The following GNAQ variants were observed in gnomAD, a reference collection of about 807,000 sequenced individuals.
GNAQ encodes the protein G protein subunit alpha q.
Under a neutral mutation model 43.9 loss-of-function variants are expected in GNAQ, and 8 were observed. The ratio of observed to expected loss-of-function variants is 0.18; its 90% confidence interval spans 0.11 to 0.33. The LOEUF (loss-of-function observed/expected upper bound fraction) is 0.33, where lower values mean the gene tolerates loss of function less well. Among genes scored for constraint, GNAQ ranks in the 10% least tolerant of loss-of-function variants. The probability of loss-of-function intolerance (pLI) is 1.00; values close to 1 mark genes in which losing one functional copy is unlikely to be tolerated. For synonymous variants in GNAQ, 155 were observed against 170.7 expected, an observed-to-expected ratio of 0.91 and a Z score of 0.71; for missense variants, 158 against 450.8, an observed-to-expected ratio of 0.35 and a Z score of 5.88.
chr9:77,888,160 G>C, intron 2 of GNAQ, among the ~76,000 whole-genome samples: 1 of 152,094 alleles, frequency 6.6e-6, no homozygotes, highest in Non-Finnish European at 1.5e-5. Context: ...TGTTTTGATG[G>C]GGTCCCAATT....
intron 2 of GNAQ, among the ~76,000 whole-genome samples, chr9:77,887,828 T>G (rs2118094967): frequency 6.6e-6 from 1 of 152,354 alleles, no homozygotes; most frequent in South Asian, 2.1e-4. Flanking sequence ...TCCCCAAGGC[T>G]TCTTTCTGTT....
intron 1 of GNAQ, among the ~76,000 whole-genome samples, chr9:78,016,502 A>G (rs1587462672): frequency 6.6e-6 from 1 of 152,052 alleles, no homozygotes; most frequent in Non-Finnish European, 1.5e-5. Flanking sequence ...TGGCTAACAC[A>G]GTGAAGCCCT....
chr9:77,837,873 GAGT>G (rs1827416970), intron 2 of GNAQ, among the ~76,000 whole-genome samples: 2 of 143,190 alleles, frequency 1.4e-5, no homozygotes, highest in African/African-American at 5.2e-5. Flanking sequence ...TTTTGAGATG[GAGT>G]CTTGCTCTGT....
intron 1 of GNAQ, among the ~76,000 whole-genome samples, chr9:78,023,083 C>T (rs778166800): frequency 2.6e-4 from 39 of 152,190 alleles, no homozygotes; most frequent in Admixed American, 1.0e-3. Flanking sequence ...CCCACTGGTC[C>T]GTGATAGATT....
intron 2 of GNAQ, among the ~76,000 whole-genome samples, chr9:77,846,418 GA>G (rs1827585840): frequency 6.6e-6 from 1 of 152,154 alleles, no homozygotes. Context: ...TGCCCAGCTA[GA>G]AAAACAAGCT....
intron 1 of GNAQ, among the ~76,000 whole-genome samples, chr9:77,981,101 T>C (rs1823362818): frequency 6.6e-6 from 1 of 152,206 alleles, no homozygotes; most frequent in African/African-American, 2.4e-5. Context: ...TACACGGATT[T>C]TTCCACATTT....
At chr9:78,022,547 C>T (rs1241356626) in intron 1 of GNAQ, among the ~76,000 whole-genome samples, 1 of 152,184 alleles carries the variant, frequency 6.6e-6, no homozygotes, top group African/African-American at 2.4e-5. Context: ...AAATAAAAAA[C>T]TTTCACAAAA....
intron 5 of GNAQ, among the ~76,000 whole-genome samples, chr9:77,731,775 G>A (rs980800433): frequency 1.4e-4 from 22 of 152,220 alleles, no homozygotes; most frequent in African/African-American, 3.9e-4. Context: ...GGAAGGTACA[G>A]AAAGCTTGCC....
At chr9:77,805,548 G>A (rs181374948) in intron 3 of GNAQ, among the ~76,000 whole-genome samples, 29 of 152,096 alleles carry the variant, frequency 1.9e-4, no homozygotes, top group Non-Finnish European at 3.8e-4. Flanking sequence ...GGGATTACAT[G>A]CGCGCAGCAC....
At chr9:77,857,036 G>A (rs898923808) in intron 2 of GNAQ, among the ~76,000 whole-genome samples, 1 of 152,134 alleles carries the variant, frequency 6.6e-6, no homozygotes, top group African/African-American at 2.4e-5. Flanking sequence ...GGAAAACAGT[G>A]AGCTGACTTT....
chr9:77,787,684 C>T (rs561175575), intron 5 of GNAQ, among the ~76,000 whole-genome samples: 1 of 152,170 alleles, frequency 6.6e-6, no homozygotes, highest in Admixed American at 6.5e-5. Context: ...TTGAAGAAAA[C>T]ACAGAAATAT....
intron 5 of GNAQ, among the ~76,000 whole-genome samples, chr9:77,752,670 G>A (rs1420849097): frequency 6.6e-6 from 1 of 152,168 alleles, no homozygotes; most frequent in Non-Finnish European, 1.5e-5. Context: ...AAATGCCTGT[G>A]TCTGTTATTA....
chr9:77,985,615 C>T (rs961214789), intron 1 of GNAQ, among the ~76,000 whole-genome samples: 8 of 152,060 alleles, frequency 5.3e-5, no homozygotes, highest in Non-Finnish European at 1.0e-4. Context: ...GACAGAGTCT[C>T]GCTCTGTGGC....
intron 2 of GNAQ, among the ~76,000 whole-genome samples, chr9:77,856,517 CACA>C (rs1827757677): frequency 6.6e-6 from 1 of 152,120 alleles, no homozygotes; most frequent in African/African-American, 2.4e-5. Flanking sequence ...GTATTTCATA[CACA>C]ATAGTTTACA....
chr9:77,791,785 T>A (rs1005308538), intron 5 of GNAQ, among the ~76,000 whole-genome samples: 14 of 152,326 alleles, frequency 9.2e-5, no homozygotes, highest in Admixed American at 2.0e-4. Context: ...GCTGTCAGAA[T>A]CCATTCCTAG....
At chr9:77,893,734 T>C (rs1248164923) in intron 2 of GNAQ, among the ~76,000 whole-genome samples, 2 of 152,154 alleles carry the variant, frequency 1.3e-5, no homozygotes, top group African/African-American at 4.8e-5. Flanking sequence ...GATGAACTAG[T>C]AGGTCATACA....
intron 1 of GNAQ, among the ~76,000 whole-genome samples, chr9:77,938,906 T>C (rs142097824): frequency 1.2e-4 from 18 of 152,258 alleles, no homozygotes; most frequent in African/African-American, 3.1e-4. Context: ...TGGATACTGG[T>C]TGATGGAAGG....
chr9:77,740,141 A>G (rs1159916294), intron 5 of GNAQ, among the ~76,000 whole-genome samples: 2 of 152,230 alleles, frequency 1.3e-5, no homozygotes, highest in African/African-American at 2.4e-5. Flanking sequence ...AGTCTGGCCC[A>G]GAAACACACG....
intron 3 of GNAQ, among the ~76,000 whole-genome samples, chr9:77,799,408 G>C (rs1826708264): frequency 6.6e-6 from 1 of 151,980 alleles, no homozygotes. Flanking sequence ...CCCAGGGTAG[G>C]GACTCTGACA....
Sources: gnomAD v4.1 joint callset for allele counts (sites outside exome capture counted in the v4.1 genomes callset) on GRCh38, gnomAD v4.1.1 for gene constraint, MANE v1.5 for transcripts, NCBI Gene and HGNC (gene_info 2026-07-23, HGNC 2026-07-21) for gene names.